Variants in EXOC6B observed in about 807,000 individuals in gnomAD.
The protein encoded by EXOC6B is exocyst complex component 6B, also known as SEC15 homolog B.
A neutral mutation model predicts 113.5 loss-of-function variants in EXOC6B; 54 were observed. The ratio of observed to expected loss-of-function variants is 0.48; its 90% confidence interval spans 0.38 to 0.60. The LOEUF is 0.60. EXOC6B is among the 20% of genes least tolerant of loss of function. The pLI, the probability that EXOC6B is intolerant of heterozygous loss-of-function variation, is 0.00. For missense variants in EXOC6B, 797 were observed against 977.5 expected (o/e 0.82, Z 2.46); for synonymous variants, 357 against 339.0 (o/e 1.05, Z -0.58).
At chr2:72,414,085 A>G (rs552711909) in intron 18 of EXOC6B, among the ~76,000 whole-genome samples, 1 of 152,346 alleles carries the variant, frequency 6.6e-6, no homozygotes, top group African/African-American at 2.4e-5. Flanking sequence ...CAAATCACTA[A>G]TTATATATTC....
intron 1 of EXOC6B, among the ~76,000 whole-genome samples, chr2:72,818,052 A>T (rs1190619354): frequency 6.6e-6 from 1 of 152,024 alleles, no homozygotes; most frequent in African/African-American, 2.4e-5. Context: ...ACTCACTGCA[A>T]CCTCTACCTC....
intron 20 of EXOC6B, among the ~76,000 whole-genome samples, chr2:72,212,025 G>GAA (rs879396641): frequency 3.5e-5 from 5 of 144,782 alleles, no homozygotes; most frequent in African/African-American, 1.0e-4. Context: ...TGCCGAAGTG[G>GAA]AAAAAAAAAA....
chr2:72,673,085 T>A (rs2104509570), intron 6 of EXOC6B, among the ~76,000 whole-genome samples: 1 of 152,114 alleles, frequency 6.6e-6, no homozygotes, highest in Non-Finnish European at 1.5e-5. Context: ...AAGAAAATAT[T>A]CAGAAAAAAC....
At chr2:72,555,907 A>G (rs1703515726) in intron 8 of EXOC6B, among the ~76,000 whole-genome samples, 2 of 152,090 alleles carry the variant, frequency 1.3e-5, no homozygotes, top group Admixed American at 1.3e-4. Context: ...CAGCCTCCCA[A>G]ACTGCTGGGA....
intron 1 of EXOC6B, among the ~76,000 whole-genome samples, chr2:72,797,830 A>G (rs1006563847): frequency 6.7e-5 from 10 of 150,220 alleles, no homozygotes; most frequent in African/African-American, 9.7e-5. Flanking sequence ...TAATTAATTA[A>G]TTAATTAATA....
At chr2:72,216,788 A>C (rs1197301798) in intron 20 of EXOC6B, among the ~76,000 whole-genome samples, 2 of 152,112 alleles carry the variant, frequency 1.3e-5, no homozygotes, top group Non-Finnish European at 2.9e-5. Context: ...ATTCTCAGCA[A>C]ACTAACACAG....
rs532456796 is a variant in EXOC6B, at chr2:72,646,250, T to C, written c.670-70582A>G. On this transcript the variant is annotated intron_variant, in intron 6 of 21. Coordinates refer to ENST00000272427, the MANE Select transcript of EXOC6B (RefSeq NM_015189.3). ...CTCCCAAGACTAAACCAGGAAGAAG[T>C]TGAATCTCTGAATAGACCAATAACA... 1.6e-4 allele frequency among the ~76,000 whole-genome samples: 25 copies of C among 152,070 alleles called. 2 individuals carry two copies. The highest frequency in any genetic ancestry group is 4.8e-4 in the African/African-American group (20 of 41,498).
At chr2:72,533,064 T>C (rs1048658399) in intron 8 of EXOC6B, among the ~76,000 whole-genome samples, 1 of 152,112 alleles carries the variant, frequency 6.6e-6, no homozygotes, top group African/African-American at 2.4e-5. Flanking sequence ...CTTAAGAGGG[T>C]ACTAAAGCAA....
intron 1 of EXOC6B, among the ~76,000 whole-genome samples, chr2:72,778,517 G>A (rs1192284327): frequency 9.9e-5 from 15 of 152,198 alleles, no homozygotes; most frequent in Non-Finnish European, 8.8e-5. Context: ...TAACTCTTTG[G>A]TGCCTGCATA....
At chr2:72,333,538 C>T (rs75240917) in intron 20 of EXOC6B, among the ~76,000 whole-genome samples, 3,431 of 152,158 alleles carry the variant, frequency 0.023, 63 homozygotes, top group Non-Finnish European at 0.034. Context: ...AAACCCTAAA[C>T]CAAAATCCCA....
chr2:72,307,590 G>C (rs1232420193), intron 20 of EXOC6B, among the ~76,000 whole-genome samples: 1 of 152,074 alleles, frequency 6.6e-6, no homozygotes, highest in African/African-American at 2.4e-5. Context: ...ATTAACATCT[G>C]TCACCAGGCT....
chr2:72,432,907 A>G (rs1695627725), intron 18 of EXOC6B, among the ~76,000 whole-genome samples: 1 of 152,054 alleles, frequency 6.6e-6, no homozygotes, highest in Non-Finnish European at 1.5e-5. Flanking sequence ...GAAGCTCTTT[A>G]GCTTAATTAG....
At chr2:72,771,548 A>T (rs1274522277) in intron 1 of EXOC6B, among the ~76,000 whole-genome samples, 4 of 152,232 alleles carry the variant, frequency 2.6e-5, no homozygotes, top group Non-Finnish European at 5.9e-5. Context: ...TGCTCTTTAG[A>T]GCATTTTCAT....
chr2:72,445,380 CCT>C (rs1385604413), intron 18 of EXOC6B, among the ~76,000 whole-genome samples: 1 of 152,160 alleles, frequency 6.6e-6, no homozygotes, highest in Non-Finnish European at 1.5e-5. Flanking sequence ...ACTGTTCCAA[CCT>C]CTGCCCATTA....
At chr2:72,731,426 G>A (rs973883601) in intron 3 of EXOC6B, among the ~76,000 whole-genome samples, 181 bp from the exon 4 acceptor site, 4 of 152,062 alleles carry the variant, frequency 2.6e-5, no homozygotes, top group Non-Finnish European at 5.9e-5. Flanking sequence ...ACAGTTTCCC[G>A]CTTTCTCCCC....
chr2:72,317,999 C>CT (rs1687623802), intron 20 of EXOC6B, among the ~76,000 whole-genome samples: 1 of 152,104 alleles, frequency 6.6e-6, no homozygotes, highest in Admixed American at 6.6e-5. Context: ...GAGCATATTT[C>CT]TTTTTTAACA....
intron 1 of EXOC6B, among the ~76,000 whole-genome samples, chr2:72,768,245 A>T (rs1683212133): frequency 6.6e-6 from 1 of 151,432 alleles, no homozygotes; most frequent in South Asian, 2.1e-4. Context: ...CACATCATGC[A>T]GCCTCTAAGA....
chr2:72,673,431 G>A (rs1224593634), intron 6 of EXOC6B, among the ~76,000 whole-genome samples: 2 of 152,156 alleles, frequency 1.3e-5, no homozygotes, highest in Admixed American at 6.5e-5. Flanking sequence ...CTCCGGTCTT[G>A]TTTTGATTGA....
intron 8 of EXOC6B, among the ~76,000 whole-genome samples, chr2:72,537,864 T>C (rs979521356): frequency 6.6e-6 from 1 of 152,168 alleles, no homozygotes; most frequent in Non-Finnish European, 1.5e-5. Flanking sequence ...TTTTGAGATG[T>C]ATTGACCATC....
Sources: gnomAD v4.1 joint callset for allele counts (sites outside exome capture counted in the v4.1 genomes callset) on GRCh38, gnomAD v4.1.1 for gene constraint, MANE v1.5 for transcripts, NCBI Gene and HGNC (gene_info 2026-07-23, HGNC 2026-07-21) for gene names.